The following GALNT2 variants were observed in gnomAD, a reference collection of about 807,000 sequenced individuals.
GALNT2 encodes the protein polypeptide N-acetylgalactosaminyltransferase 2, also known as UDP-GalNAc:polypeptide N-acetylgalactosaminyltransferase 2.
In GALNT2, 31 loss-of-function variants were observed where a neutral mutation model predicts 81.4. That is an observed-to-expected ratio of 0.38 (90% CI 0.29 to 0.51). The LOEUF is 0.51. Ranked by LOEUF, GALNT2 falls within the 20% of genes least tolerant of loss-of-function variation. The pLI is 0.87. For missense variants in GALNT2, 629 were observed against 765.7 expected (o/e 0.82, Z 2.11); for synonymous variants, 303 against 287.4 (o/e 1.05, Z -0.55).
chr1:230,209,075 GT>G (rs773844190), intron 3 of GALNT2, among the ~76,000 whole-genome samples: 1 of 149,404 alleles, frequency 6.7e-6, no homozygotes, highest in Non-Finnish European at 1.5e-5. Context: ...TTGTTTTTTT[GT>G]TTTTTCTGTT....
intron 1 of GALNT2, among the ~76,000 whole-genome samples, chr1:230,075,686 G>A (rs773117887): frequency 6.6e-5 from 10 of 152,186 alleles, no homozygotes; most frequent in South Asian, 2.1e-4. Flanking sequence ...ATTCTAGTGG[G>A]GGGCTGCGGG....
At chr1:230,235,787 T>G (rs1024568844) in intron 3 of GALNT2, among the ~76,000 whole-genome samples, 1 of 152,184 alleles carries the variant, frequency 6.6e-6, no homozygotes, top group African/African-American at 2.4e-5. Flanking sequence ...TATGTTACTT[T>G]TTGCCGAAAT....
In GALNT2 at chr1:230,255,215, C is replaced by G. The variant is rs113876707; in HGVS notation, c.1010-3C>G. The G allele has an allele frequency of 1.2e-6, 2 of 1,614,222 alleles. No homozygotes were observed. The highest frequency in any genetic ancestry group is 1.7e-6 in the Non-Finnish European group (2 of 1,180,034). The stretch of plus-strand genomic sequence containing the variant: ...GTCACCTGTGTCTTGTTCATCGTCT[C>G]AGAGATCTCGTTCCGCGTGTGGCAG... On this transcript the variant is annotated splice_polypyrimidine_tract_variant and splice_region_variant and intron_variant, in intron 10 of 15. Coordinates refer to ENST00000366672, the MANE Select transcript of GALNT2 (RefSeq NM_004481.5).
chr1:230,262,694 TA>T, intron 12 of GALNT2, 29 bp downstream of exon 12: 1 of 1,527,126 alleles, frequency 6.5e-7, no homozygotes, highest in Non-Finnish European at 9.1e-7. Flanking sequence ...TTCTCACAAT[TA>T]CTGGGGATTC....
chr1:230,251,814 AATGAG>A (rs1414339988), intron 10 of GALNT2, among the ~76,000 whole-genome samples: 2 of 152,172 alleles, frequency 1.3e-5, no homozygotes, highest in African/African-American at 4.8e-5. Flanking sequence ...TATTAGCTGA[AATGAG>A]ACATCAGCCA....
At chr1:230,119,598 A>G (rs1344881291) in intron 1 of GALNT2, among the ~76,000 whole-genome samples, 2 of 152,062 alleles carry the variant, frequency 1.3e-5, no homozygotes, top group African/African-American at 4.8e-5. Flanking sequence ...TCTATCTGCG[A>G]GTGTAATTTC....
rs545347215 is a variant in GALNT2 at position 230,141,823 on chromosome 1, C to T, written c.127-36395C>T. Among the ~76,000 whole-genome samples, 12 of 122,078 alleles carry T rather than the reference C, an allele frequency of 9.8e-5. No individual in the cohort carries two copies. In the Admixed American group the frequency reaches 1.2e-3, roughly 12 times the overall value. 80.1% of individuals were successfully genotyped at this position (122,078 alleles called of 152,430 possible). A position where few individuals can be genotyped will look rare whatever the true frequency, so the allele number is the denominator to read the frequency against. On this transcript the variant is annotated intron_variant, in intron 1 of 15. Transcript: ENST00000366672. ...TTTTTTTTTTTTTGAGACAGGGTCT[C>T]GCTCTATTGTCCAGGCTGAAGTGCG... is the stretch of plus-strand genomic sequence containing the variant.
At chr1:230,198,338 C>T (rs1054218659) in intron 2 of GALNT2, among the ~76,000 whole-genome samples, 2 of 149,746 alleles carry the variant, frequency 1.3e-5, no homozygotes, top group Admixed American at 6.6e-5. Context: ...CAGGAGAGTA[C>T]GAGGAGTGGC....
chr1:230,277,007 A>C (rs965821147), intron 15 of GALNT2, among the ~76,000 whole-genome samples: 1 of 152,198 alleles, frequency 6.6e-6, no homozygotes, highest in African/African-American at 2.4e-5. Context: ...TAAAAAACAA[A>C]TATTACTTCA....
chr1:230,262,486 T>A (rs999656872), intron 11 of GALNT2, 87 bp from the exon 12 acceptor site: 1 of 1,164,178 alleles, frequency 8.6e-7, no homozygotes, highest in Non-Finnish European at 1.3e-6. Context: ...GGGAGCCGCC[T>A]CAGTCACACG....
intron 3 of GALNT2, 51 bp downstream of exon 3, chr1:230,203,341 C>T (rs1663966628): frequency 1.3e-6 from 2 of 1,592,078 alleles, no homozygotes; most frequent in East Asian, 4.5e-5. Context: ...TTCACACAAA[C>T]CAGTACGTCG....
At chr1:230,102,592 T>G (rs1041186018) in intron 1 of GALNT2, among the ~76,000 whole-genome samples, 6 of 152,144 alleles carry the variant, frequency 3.9e-5, no homozygotes, top group African/African-American at 1.4e-4. Flanking sequence ...TGTTTACAAA[T>G]GGTGGTTGGA....
chr1:230,129,050 G>A (rs1049194973), intron 1 of GALNT2, among the ~76,000 whole-genome samples: 3 of 152,238 alleles, frequency 2.0e-5, no homozygotes, highest in Non-Finnish European at 2.9e-5. Flanking sequence ...GCCAAATGCC[G>A]CCGCTAGCGA....
At chr1:230,211,662 G>C (rs979046350) in intron 3 of GALNT2, among the ~76,000 whole-genome samples, 1 of 152,078 alleles carries the variant, frequency 6.6e-6, no homozygotes, top group African/African-American at 2.4e-5. Context: ...ACTCCCAGCC[G>C]CTTGGGAGGC....
intron 3 of GALNT2, among the ~76,000 whole-genome samples, chr1:230,215,554 T>C (rs1664363903): frequency 1.3e-5 from 2 of 152,230 alleles, no homozygotes; most frequent in African/African-American, 4.8e-5. Flanking sequence ...CCTGAGTGTT[T>C]TATTTGGAAT....
At chr1:230,100,468 G>A (rs1231995631) in intron 1 of GALNT2, among the ~76,000 whole-genome samples, 3 of 152,062 alleles carry the variant, frequency 2.0e-5, no homozygotes, top group African/African-American at 7.2e-5. Context: ...TGGGATTACA[G>A]GCACCTGCCA....
intron 11 of GALNT2, among the ~76,000 whole-genome samples, chr1:230,258,470 C>T (rs1198563460): frequency 6.6e-6 from 1 of 151,968 alleles, no homozygotes; most frequent in African/African-American, 2.4e-5. Context: ...AGTGATCCAC[C>T]CGCCTCAGCC....
intron 1 of GALNT2, among the ~76,000 whole-genome samples, chr1:230,100,564 G>A (rs915245831): frequency 3.1e-4 from 47 of 152,194 alleles, no homozygotes; most frequent in Non-Finnish European, 4.6e-4. Flanking sequence ...CACCTCAGGC[G>A]ATCTGCCCGC....
chr1:230,276,291 G>T (rs1666307208), intron 15 of GALNT2, among the ~76,000 whole-genome samples: 1 of 152,012 alleles, frequency 6.6e-6, no homozygotes. Context: ...CTTTCTCAAG[G>T]CATGGGGTAA....
Sources: gnomAD v4.1 joint callset for allele counts (sites outside exome capture counted in the v4.1 genomes callset) on GRCh38, gnomAD v4.1.1 for gene constraint, MANE v1.5 for transcripts, NCBI Gene and HGNC (gene_info 2026-07-23, HGNC 2026-07-21) for gene names.